Variants in KCNJ6 observed in about 807,000 individuals in gnomAD.
The protein encoded by KCNJ6 is G protein-activated inward rectifier potassium channel 2.
A neutral mutation model predicts 34.2 loss-of-function variants in KCNJ6; 9 were observed. The observed-to-expected ratio is 0.26, with a 90% CI of 0.16 to 0.46. The LOEUF (loss-of-function observed/expected upper bound fraction) is 0.46. KCNJ6 is among the 20% of genes least tolerant of loss of function. The probability of loss-of-function intolerance (pLI) is 1.00; values close to 1 mark genes in which losing one functional copy is unlikely to be tolerated. For missense variants in KCNJ6, 236 were observed against 531.3 expected (o/e 0.44, Z 5.46); for synonymous variants, 196 against 207.1 (o/e 0.95, Z 0.46).
chr21:37,878,677 A>G (rs555746861), intron 1 of KCNJ6, among the ~76,000 whole-genome samples: 1 of 152,364 alleles, frequency 6.6e-6, no homozygotes, highest in Admixed American at 6.5e-5. Context: ...AAATTTGATC[A>G]AGGTACCAAA....
intron 1 of KCNJ6, among the ~76,000 whole-genome samples, chr21:37,881,470 G>GGAGAGAGAGAGAGAGA (rs10550872): frequency 6.7e-6 from 1 of 149,110 alleles, no homozygotes; most frequent in African/African-American, 2.5e-5. Context: ...CTCTCTGCAT[G>GGAGAGAGAGAGAGAGA]GAGAGAGAGA....
intron 2 of KCNJ6, among the ~76,000 whole-genome samples, chr21:37,810,526 A>G (rs1313131455): frequency 6.6e-6 from 1 of 152,170 alleles, no homozygotes; most frequent in African/African-American, 2.4e-5. Context: ...TGTTTTTGCC[A>G]CCGTTACCCA....
At chr21:37,664,246 G>C (rs2054503633) in intron 3 of KCNJ6, among the ~76,000 whole-genome samples, 1 of 151,908 alleles carries the variant, frequency 6.6e-6, no homozygotes, top group Non-Finnish European at 1.5e-5. Context: ...TAGAAAAAAA[G>C]AAGAAAGAAA....
intron 1 of KCNJ6, among the ~76,000 whole-genome samples, chr21:37,894,970 G>C (rs969996713): frequency 1.3e-5 from 2 of 152,068 alleles, no homozygotes; most frequent in Non-Finnish European, 2.9e-5. Context: ...ATGGGATCTT[G>C]CTATGTTGCC....
intron 3 of KCNJ6, among the ~76,000 whole-genome samples, chr21:37,626,886 C>G (rs141602001): frequency 3.8e-4 from 58 of 152,236 alleles, no homozygotes; most frequent in African/African-American, 1.3e-3. Flanking sequence ...TAACTTAAAA[C>G]ATTTTTTTAA....
intron 3 of KCNJ6, among the ~76,000 whole-genome samples, chr21:37,708,580 C>A (rs1490386162): frequency 7.1e-6 from 1 of 141,460 alleles, no homozygotes; most frequent in Non-Finnish European, 1.5e-5. Flanking sequence ...TTCCATATGT[C>A]TTTAAATTGA....
chr21:37,827,313 G>A (rs2055403773), intron 2 of KCNJ6, among the ~76,000 whole-genome samples: 1 of 152,202 alleles, frequency 6.6e-6, no homozygotes, highest in Admixed American at 6.5e-5. Flanking sequence ...TGGCAGGAAA[G>A]ATCACTAGTA....
At chr21:37,673,426 G>A (rs2054550856) in intron 3 of KCNJ6, among the ~76,000 whole-genome samples, 1 of 152,254 alleles carries the variant, frequency 6.6e-6, no homozygotes, top group South Asian at 2.1e-4. Flanking sequence ...GCTCCTTGGA[G>A]CTCATCCATC....
intron 1 of KCNJ6, among the ~76,000 whole-genome samples, chr21:37,912,004 C>T (rs916022242): frequency 9.2e-5 from 14 of 152,090 alleles, no homozygotes; most frequent in African/African-American, 3.1e-4. Context: ...AGTTAAAAGC[C>T]CTTCTATATT....
chr21:37,906,749 A>G (rs962369184), intron 1 of KCNJ6, among the ~76,000 whole-genome samples: 1 of 152,148 alleles, frequency 6.6e-6, no homozygotes, highest in Admixed American at 6.5e-5. Context: ...AGTGCTGATT[A>G]AAAAAGAGGG....
chr21:37,702,031 G>A (rs1021209470), intron 3 of KCNJ6, among the ~76,000 whole-genome samples: 13 of 151,954 alleles, frequency 8.6e-5, no homozygotes, highest in South Asian at 2.1e-4. Flanking sequence ...TCAGGAGTTC[G>A]AGACCAGCCT....
At chr21:37,805,106 G>C (rs1225793480) in intron 2 of KCNJ6, among the ~76,000 whole-genome samples, 2 of 152,152 alleles carry the variant, frequency 1.3e-5, no homozygotes, top group African/African-American at 4.8e-5. Context: ...GGATTGCCAG[G>C]AAAGGGGGCA....
chr21:37,645,636 T>C (rs183960087), intron 3 of KCNJ6, among the ~76,000 whole-genome samples: 1 of 152,326 alleles, frequency 6.6e-6, no homozygotes, highest in East Asian at 1.9e-4. Context: ...AGGGAAGTTT[T>C]GTCCCAGAGG....
intron 1 of KCNJ6, among the ~76,000 whole-genome samples, chr21:37,863,355 G>GCTATACC (rs2055604176): frequency 6.6e-6 from 1 of 152,142 alleles, no homozygotes; most frequent in South Asian, 2.1e-4. Context: ...TTGCCCATAT[G>GCTATACC]CTATACCCTC....
intron 2 of KCNJ6, among the ~76,000 whole-genome samples, chr21:37,770,725 G>A (rs1294422900): frequency 6.6e-6 from 1 of 152,228 alleles, no homozygotes; most frequent in African/African-American, 2.4e-5. Context: ...AGTCATGGAA[G>A]AAGGTAGTTA....
intron 1 of KCNJ6, among the ~76,000 whole-genome samples, chr21:37,870,587 A>ATTTTT (rs201091934): frequency 6.1e-5 from 9 of 147,990 alleles, no homozygotes; most frequent in Admixed American, 1.3e-4. Context: ...AACAATTCAA[A>ATTTTT]ATTTTGTTTT....
chr21:37,858,910 G>A (rs1016540357), intron 1 of KCNJ6, among the ~76,000 whole-genome samples: 4 of 152,182 alleles, frequency 2.6e-5, no homozygotes, highest in South Asian at 4.1e-4. Context: ...GAAACTACAT[G>A]AAAATAGAAA....
chr21:37,770,665 G>A (rs1010177567), intron 2 of KCNJ6, among the ~76,000 whole-genome samples: 7 of 152,130 alleles, frequency 4.6e-5, no homozygotes, highest in African/African-American at 1.7e-4. Context: ...ACTAAACAAA[G>A]AACCATGACT....
At chr21:37,754,356 G>A (rs2055012910) in intron 2 of KCNJ6, among the ~76,000 whole-genome samples, 1 of 152,208 alleles carries the variant, frequency 6.6e-6, no homozygotes, top group Non-Finnish European at 1.5e-5. Flanking sequence ...TGAATAAGGA[G>A]AAAGGGCTTT....
Sources: allele counts gnomAD v4.1 joint callset (sites outside exome capture counted in the v4.1 genomes callset), GRCh38; gene constraint gnomAD v4.1.1; transcripts MANE v1.5; gene names NCBI Gene and HGNC (gene_info 2026-07-23, HGNC 2026-07-21).